The following MYT1 variants were observed in gnomAD, a reference collection of about 807,000 sequenced individuals.
MYT1 encodes the protein myelin transcription factor I.
Under a neutral mutation model 123.0 loss-of-function variants are expected in MYT1, and 23 were observed. The observed-to-expected ratio is 0.19, with a 90% CI of 0.13 to 0.26. MYT1 has a LOEUF of 0.26. MYT1 is among the 10% of genes least tolerant of loss of function. The probability of loss-of-function intolerance (pLI) is 1.00; values close to 1 mark genes in which losing one functional copy is unlikely to be tolerated. For synonymous variants in MYT1, 518 were observed against 575.3 expected (o/e 0.90, Z 1.43); for missense variants, 1,125 against 1,472.5 (o/e 0.76, Z 3.86).
At chr20:64,183,857 G>C (rs1468087228) in intron 1 of MYT1, among the ~76,000 whole-genome samples, 1 of 152,148 alleles carries the variant, frequency 6.6e-6, no homozygotes. Context: ...GTCTTGCTCT[G>C]TCACGCAGGC....
chr20:64,187,314 G>A (rs1025056258), intron 1 of MYT1, among the ~76,000 whole-genome samples: 135 of 148,064 alleles, frequency 9.1e-4, no homozygotes, highest in Non-Finnish European at 1.2e-3. Flanking sequence ...ACGTGGCTCC[G>A]GCATCCACGT....
chr20:64,212,273 G>C lies in MYT1; in HGVS notation c.1517+135G>C, dbSNP rs182708005. 3.9e-6 allele frequency: 3 copies of C among 777,224 alleles called. No individual in the cohort carries two copies. The African/African-American group carries it at 5.0e-5, about 13-fold the overall frequency. The allele number at this position is 777,224 out of a possible 1,614,324, so 48.1% of individuals were successfully genotyped here. A position where few individuals can be genotyped will look rare whatever the true frequency, so the allele number is the denominator to read the frequency against. On this transcript the variant is annotated intron_variant, in intron 9 of 22. Transcript: ENST00000328439. The surrounding 1 kb of genome is among the most constrained non-coding windows in gnomAD (Gnocchi z 6.8). ...TGGGGGCCGTGGTGGGGGGCTCCAC[G>C]TGGGGTAGGGCACCTGGGTTGGGCC...
intron 12 of MYT1, 79 bp downstream of exon 12, chr20:64,219,114 AC>A: frequency 2.7e-6 from 4 of 1,493,556 alleles, no homozygotes; most frequent in Non-Finnish European, 3.6e-6. Flanking sequence ...TGCTCTCTGC[AC>A]AAAATGTCCC....
chr20:64,188,967 C>T (rs1216813738), intron 1 of MYT1, among the ~76,000 whole-genome samples: 3 of 152,186 alleles, frequency 2.0e-5, no homozygotes, highest in Non-Finnish European at 1.5e-5. Context: ...TAGGCTGTCT[C>T]CTTGACTACC....
Position 64,211,355 on chromosome 20 carries a change from G to A in MYT1, c.1426+15G>A. ...CCCCCCAGAGAGTGAGTAGCTCTGT[G>A]CAGCGTTAGCCCTAACTGTGAAGCT... On this transcript the variant is annotated intron_variant, in intron 8 of 22. Transcript: ENST00000328439. The A allele has an allele frequency of 6.2e-7, 1 of 1,606,244 alleles. No homozygotes were observed. Among genetic ancestry groups the A allele is most frequent in the Non-Finnish European group, 8.5e-7 (1 of 1,174,534 alleles).
chr20:64,223,773 C>T (rs945593217), intron 16 of MYT1, among the ~76,000 whole-genome samples: 1 of 152,140 alleles, frequency 6.6e-6, no homozygotes, highest in South Asian at 2.1e-4. Flanking sequence ...ACAGGCTGTG[C>T]GGCTCTTGCT....
chr20:64,186,309 G>C lies in MYT1; in HGVS notation c.-98-3754G>C, dbSNP rs6062355. ...GGGTGCCGGGAGCTGATCCCGAGAGGCTTGTTTTCCAGGAGACGTGCTCAG... is the reference window on the plus strand; with the variant it reads ...GGGTGCCGGGAGCTGATCCCGAGAGCCTTGTTTTCCAGGAGACGTGCTCAG... On this transcript the variant is annotated intron_variant, in intron 1 of 22. Transcript: ENST00000328439. This position sits in a 1 kb window ranked among gnomAD's most constrained non-coding sequence, Gnocchi z 4.3. Among the ~76,000 whole-genome samples the C allele has an allele frequency of 1.3e-5, 2 of 152,096 alleles. No individual in the cohort carries two copies. Among genetic ancestry groups the C allele is most frequent in the Non-Finnish European group, 2.9e-5 (2 of 68,012 alleles).
chr20:64,228,402 C>T (rs1984231259), intron 18 of MYT1, among the ~76,000 whole-genome samples: 1 of 152,204 alleles, frequency 6.6e-6, no homozygotes, highest in South Asian at 2.1e-4. Flanking sequence ...TCCCATGTGT[C>T]CATCCACCCA....
chr20:64,181,593 G>C (rs571169882), intron 1 of MYT1, among the ~76,000 whole-genome samples: 2 of 152,298 alleles, frequency 1.3e-5, no homozygotes, highest in African/African-American at 4.8e-5. Flanking sequence ...CATGCGTCTG[G>C]AGAGTCTGTG....
chr20:64,190,371 C>A lies in MYT1; in HGVS notation c.-1+211C>A, dbSNP rs1397579859. ...GGAAGAAAAATGACTCTGAGTAGAT[C>A]AAAACTAAAATGTGACCCCAGGCTG... On this transcript the variant is annotated intron_variant, in intron 2 of 22. Transcript: ENST00000328439. The surrounding 1 kb of genome is among the most constrained non-coding windows in gnomAD (Gnocchi z 4.1). 6.6e-6 allele frequency among the ~76,000 whole-genome samples: 1 copy of A among 152,200 alleles called. No individual in the cohort carries two copies. Among genetic ancestry groups the A allele is most frequent in the Non-Finnish European group, 1.5e-5 (1 of 68,038 alleles).
intron 1 of MYT1, among the ~76,000 whole-genome samples, chr20:64,184,145 T>C (rs972481648): frequency 1.3e-5 from 2 of 152,120 alleles, no homozygotes; most frequent in Admixed American, 1.3e-4. Flanking sequence ...ACTCCGAAAG[T>C]TTTAAACCTT....
At position 64,217,129 on chromosome 20, in the gene MYT1, C is replaced by T; in HGVS notation, c.1694C>T (p.Ala565Val). The T allele has an allele frequency of 1.2e-6, 2 of 1,614,150 alleles. No homozygotes were observed. The highest frequency in any genetic ancestry group is 1.7e-6 in the Non-Finnish European group (2 of 1,180,030). ...TATGGGAGCTACCGGCCCAACGTGG[C>T]CCCCGCCACACCCAGGGCCAACTTG... ...PPYGSYRPNVAPATPRANLAK... is the reference protein window; with the variant it reads ...PPYGSYRPNVVPATPRANLAK... Residue 565 changes from alanine to valine, a missense_variant, in exon 11 of 23, where the codon GCC becomes GTC. This residue lies in a region of MYT1 where 429 missense variants were observed against 604.1 expected (regional missense o/e 0.71). Coordinates refer to ENST00000328439, the MANE Select transcript of MYT1 (RefSeq NM_004535.3).
chr20:64,176,454 G>A (rs1441464557), intron 1 of MYT1, among the ~76,000 whole-genome samples: 1 of 150,648 alleles, frequency 6.6e-6, no homozygotes, highest in East Asian at 1.9e-4. Flanking sequence ...ATCTTTCCCT[G>A]TAGTTGTGTC....
At chr20:64,240,054 C>A (rs1165468569) in intron 22 of MYT1, 151 bp downstream of exon 22, 2 of 1,286,742 alleles carry the variant, frequency 1.6e-6, no homozygotes, top group Non-Finnish European at 2.1e-6. Context: ...CCCGAATGGC[C>A]CGGGCTGTTG....
chr20:64,194,941 G>A (rs2145706052), intron 2 of MYT1, among the ~76,000 whole-genome samples: 1 of 152,068 alleles, frequency 6.6e-6, no homozygotes, highest in East Asian at 1.9e-4. Flanking sequence ...TGTCACCCAG[G>A]CTGGAGTGCA....
intron 4 of MYT1, among the ~76,000 whole-genome samples, chr20:64,201,951 C>CGTATCGGGAACCCCCGT (rs1983323875): frequency 8.8e-6 from 1 of 113,962 alleles, no homozygotes; most frequent in Admixed American, 8.4e-5. Flanking sequence ...GGAACCTCTG[C>CGTATCGGGAACCCCCGT]GTGTCGGGAA....
At position 64,203,494 on chromosome 20, in the gene MYT1, C is replaced by G. The variant is rs531971058; in HGVS notation, c.87-1541C>G. ...CCCAGTCGAGTGTGGTGTGCCCTCCCTCTCTCGCTCTCTCCCTCTTCCTCC... is the reference window on the plus strand; with the variant it reads ...CCCAGTCGAGTGTGGTGTGCCCTCCGTCTCTCGCTCTCTCCCTCTTCCTCC... On this transcript the variant is annotated intron_variant, in intron 4 of 22. Transcript: ENST00000328439. This position sits in a 1 kb window ranked among gnomAD's most constrained non-coding sequence, Gnocchi z 5.1. 1.3e-5 allele frequency among the ~76,000 whole-genome samples: 2 copies of G among 152,224 alleles called. No individual in the cohort carries two copies. Among genetic ancestry groups the G allele is most frequent in the African/African-American group, 4.8e-5 (2 of 41,536 alleles).
At chr20:64,236,747 AG>A in intron 20 of MYT1, 101 bp downstream of exon 20, 1 of 1,013,564 alleles carries the variant, frequency 9.9e-7, no homozygotes, top group South Asian at 1.4e-5. Context: ...AGGGAGATGA[AG>A]CCCCTCCTGG....
chr20:64,236,701 G>C, intron 20 of MYT1, 55 bp downstream of exon 20: 1 of 1,470,550 alleles, frequency 6.8e-7, no homozygotes, highest in South Asian at 1.1e-5. Flanking sequence ...GGGTAAGTGA[G>C]AGCTGTGCAC....
Sources: allele counts gnomAD v4.1 joint callset (sites outside exome capture counted in the v4.1 genomes callset), GRCh38; gene constraint gnomAD v4.1.1; regional missense constraint gnomAD v4.1.1; non-coding constraint Gnocchi (gnomAD v3.1); transcripts MANE v1.5; gene names NCBI Gene and HGNC (gene_info 2026-07-23, HGNC 2026-07-21).